Variants in TBC1D5 observed in about 807,000 individuals in gnomAD.
TBC1D5 encodes the protein TBC1 domain family, member 5.
A neutral mutation model predicts 100.3 loss-of-function variants in TBC1D5; 75 were observed. The ratio of observed to expected loss-of-function variants is 0.75; its 90% CI spans 0.62 to 0.91. TBC1D5 has a LOEUF of 0.91. TBC1D5 is among the 40% of genes least tolerant of loss of function. The probability of loss-of-function intolerance (pLI) is 0.00; values close to 1 mark genes in which losing one functional copy is unlikely to be tolerated. For synonymous variants in TBC1D5, 323 were observed against 325.6 expected, an observed-to-expected ratio of 0.99 and a Z score of 0.09; for missense variants, 910 against 942.4, an observed-to-expected ratio of 0.97 and a Z score of 0.45.
intron 9 of TBC1D5, among the ~76,000 whole-genome samples, chr3:17,380,039 C>CTGTGTGTGTG (rs1442340088): frequency 3.6e-4 from 36 of 100,126 alleles, no homozygotes; most frequent in Middle Eastern, 0.011. Flanking sequence ...ACAGCTGTGA[C>CTGTGTGTGTG]TGTGTATGTG....
intron 3 of TBC1D5, among the ~76,000 whole-genome samples, chr3:17,482,145 A>G (rs1342011923): frequency 1.3e-5 from 2 of 152,230 alleles, no homozygotes; most frequent in African/African-American, 4.8e-5. Flanking sequence ...TATGGAAAAC[A>G]ATGATCCAAA....
At chr3:17,591,252 A>AC (rs2096768088) in intron 2 of TBC1D5, among the ~76,000 whole-genome samples, 1 of 139,814 alleles carries the variant, frequency 7.2e-6, no homozygotes, top group Non-Finnish European at 1.5e-5. Context: ...AAAAAAAAAA[A>AC]AAAAAAAAAA....
rs756065138 is a variant in TBC1D5, at chr3:17,406,496, G to C, written c.198C>G (p.Asn66Lys). ...TCTGCCTTATTGTTGCCAAGTAATT[G>C]TTGTTTACAAATAGTTCTTCCCATT... Residue 66 changes from asparagine to lysine, a missense_variant, in exon 5 of 22, where the codon AAC (asparagine) becomes AAG (lysine). By Grantham distance (94) the Asn-to-Lys change is moderately conservative. Transcript: ENST00000253692. The C allele has an allele frequency of 6.8e-6, 11 of 1,611,388 alleles. No homozygotes were observed. In the African/African-American group the frequency reaches 1.2e-4, roughly 18 times the overall value.
At chr3:17,613,026 C>A (rs1448778919) in intron 2 of TBC1D5, among the ~76,000 whole-genome samples, 1 of 152,004 alleles carries the variant, frequency 6.6e-6, no homozygotes, top group Non-Finnish European at 1.5e-5. Flanking sequence ...CTAATGATAT[C>A]CCTTCCCCAA....
chr3:17,200,503 C>T (rs1367383132), intron 18 of TBC1D5, among the ~76,000 whole-genome samples: 1 of 152,232 alleles, frequency 6.6e-6, no homozygotes, highest in Admixed American at 6.5e-5. Context: ...AATCTAATGT[C>T]TGATGATCTG....
intron 4 of TBC1D5, among the ~76,000 whole-genome samples, chr3:17,423,244 T>C (rs2094258001): frequency 6.6e-6 from 1 of 151,998 alleles, no homozygotes; most frequent in African/African-American, 2.4e-5. Context: ...ATTTCTTCAA[T>C]AAAAGCTCTT....
intron 3 of TBC1D5, among the ~76,000 whole-genome samples, chr3:17,459,887 C>T (rs1385727626): frequency 1.3e-5 from 2 of 152,136 alleles, no homozygotes; most frequent in Non-Finnish European, 1.5e-5. Flanking sequence ...TGCTTTACAG[C>T]AAATAGCAGA....
chr3:17,470,044 A>G (rs1181786317), intron 3 of TBC1D5, among the ~76,000 whole-genome samples: 5 of 151,990 alleles, frequency 3.3e-5, no homozygotes, highest in Non-Finnish European at 5.9e-5. Context: ...ATTTCCCTAC[A>G]CTCCTACACT....
chr3:17,462,350 G>T (rs373736706), intron 3 of TBC1D5, among the ~76,000 whole-genome samples: 1 of 144,962 alleles, frequency 6.9e-6, no homozygotes, highest in Non-Finnish European at 1.5e-5. Flanking sequence ...TTGAGCCAGG[G>T]TCTCACTGTC....
chr3:17,712,952 C>G (rs2074882008), intron 1 of TBC1D5, among the ~76,000 whole-genome samples: 1 of 152,096 alleles, frequency 6.6e-6, no homozygotes, highest in Non-Finnish European at 1.5e-5. Context: ...TTTCTGACAG[C>G]CTACTTTTTA....
At chr3:17,707,941 C>G (rs2074340230) in intron 1 of TBC1D5, among the ~76,000 whole-genome samples, 2 of 152,054 alleles carry the variant, frequency 1.3e-5, no homozygotes, top group Non-Finnish European at 2.9e-5. Flanking sequence ...GTGTTCCCAC[C>G]AACTAGAATT....
intron 13 of TBC1D5, among the ~76,000 whole-genome samples, chr3:17,345,186 T>C (rs1253687612): frequency 2.0e-5 from 3 of 151,948 alleles, no homozygotes; most frequent in Non-Finnish European, 2.9e-5. Flanking sequence ...AAAGGGCTAA[T>C]ATCCAGAATC....
At chr3:17,673,988 A>G (rs374289614) in intron 1 of TBC1D5, among the ~76,000 whole-genome samples, 7 of 152,210 alleles carry the variant, frequency 4.6e-5, no homozygotes, top group Admixed American at 4.6e-4. Context: ...AACAGGCTTG[A>G]GAGCCTGACT....
At chr3:17,657,352 G>A (rs531574522) in intron 1 of TBC1D5, among the ~76,000 whole-genome samples, 9 of 137,462 alleles carry the variant, frequency 6.5e-5, no homozygotes, top group South Asian at 4.6e-4. Context: ...TTTTTTTTGC[G>A]GGGGGACAGA....
intron 14 of TBC1D5, among the ~76,000 whole-genome samples, chr3:17,305,065 C>T (rs2083269160): frequency 6.6e-6 from 1 of 152,182 alleles, no homozygotes; most frequent in Non-Finnish European, 1.5e-5. Context: ...TTCAACCCAC[C>T]ATAATCCAGC....
chr3:17,257,472 GAACA>G (rs1207016416), intron 16 of TBC1D5, among the ~76,000 whole-genome samples: 6 of 152,098 alleles, frequency 3.9e-5, no homozygotes, highest in Non-Finnish European at 8.8e-5. Flanking sequence ...CAGATGAAAT[GAACA>G]AACAGAAAAG....
intron 2 of TBC1D5, among the ~76,000 whole-genome samples, chr3:17,538,813 C>T (rs998500997): frequency 6.6e-6 from 1 of 152,244 alleles, no homozygotes; most frequent in African/African-American, 2.4e-5. Flanking sequence ...CTAAGGCAGG[C>T]GGATCACTTG....
chr3:17,364,631 T>G (rs182068617), intron 13 of TBC1D5, among the ~76,000 whole-genome samples: 131 of 152,332 alleles, frequency 8.6e-4, no homozygotes, highest in African/African-American at 2.7e-3. Context: ...AGTTGGATAT[T>G]GTCTATAAAG....
At chr3:17,260,835 G>A (rs1018984135) in intron 15 of TBC1D5, among the ~76,000 whole-genome samples, 2 of 152,176 alleles carry the variant, frequency 1.3e-5, no homozygotes, top group Non-Finnish European at 2.9e-5. Context: ...ATTTAATTCA[G>A]TATATCTAAA....
Sources: gnomAD v4.1 joint callset for allele counts (sites outside exome capture counted in the v4.1 genomes callset) on GRCh38, gnomAD v4.1.1 for gene constraint, MANE v1.5 for transcripts, NCBI Gene and HGNC (gene_info 2026-07-23, HGNC 2026-07-21) for gene names.